Variants in KIAA1328 observed in about 807,000 individuals in gnomAD.
KIAA1328 encodes the protein KIAA1328.
Under a neutral mutation model 68.1 loss-of-function variants are expected in KIAA1328, and 52 were observed. That is an observed-to-expected ratio of 0.76 (90% CI 0.61 to 0.96). The LOEUF is 0.96. Among genes scored for constraint, KIAA1328 ranks in the 40% least tolerant of loss-of-function variants. KIAA1328 has a pLI of 0.00. For missense variants in KIAA1328, 641 were observed against 677.6 expected, an observed-to-expected ratio of 0.95 and a Z score of 0.60; for synonymous variants, 232 against 239.4, an observed-to-expected ratio of 0.97 and a Z score of 0.28.
chr18:36,927,151 G>A (rs2050148793), intron 5 of KIAA1328, among the ~76,000 whole-genome samples: 1 of 152,116 alleles, frequency 6.6e-6, no homozygotes, highest in Non-Finnish European at 1.5e-5. Context: ...ATTTGGAGGG[G>A]ACAAATATCC....
intron 9 of KIAA1328, among the ~76,000 whole-genome samples, chr18:37,173,620 C>A (rs1349510004): frequency 6.6e-6 from 1 of 152,154 alleles, no homozygotes; most frequent in Non-Finnish European, 1.5e-5. Flanking sequence ...AACGTCAGTA[C>A]CAAAAGGGCT....
chr18:37,095,954 G>C lies in KIAA1328; in HGVS notation c.1232+28409G>C, dbSNP rs111621749. ...TGAACCGGGAAGAAATTGAAAGCTC[G>C]AACAGACCAATAATGAGTTACAAGA... On this transcript the variant is annotated intron_variant, in intron 7 of 9. Coordinates refer to ENST00000280020, the MANE Select transcript of KIAA1328 (RefSeq NM_020776.3). Among the ~76,000 whole-genome samples, 1,485 of 152,098 alleles carry C rather than the reference G, an allele frequency of 9.8e-3. 16 individuals carry two copies. The highest frequency in any genetic ancestry group is 0.024 in the Middle Eastern group (7 of 294).
chr18:37,116,057 A>AT lies in KIAA1328; in HGVS notation c.1233-44142dup, dbSNP rs1184083130. 3.3e-5 allele frequency among the ~76,000 whole-genome samples: 5 copies of AT among 152,228 alleles called. No homozygotes were observed. The East Asian group carries it at 9.6e-4, about 29-fold the overall frequency. On this transcript the variant is annotated intron_variant, in intron 7 of 9. Coordinates refer to ENST00000280020, the MANE Select transcript of KIAA1328 (RefSeq NM_020776.3). Reference sequence around the variant, plus strand: ...CATTCCATGCTCATGGGCAGGAAAAATCAATATCATGAAAATGGCCATACT... The same window carrying AT: ...CATTCCATGCTCATGGGCAGGAAAAATTCAATATCATGAAAATGGCCATACT...
intron 6 of KIAA1328, among the ~76,000 whole-genome samples, chr18:37,016,478 T>C (rs2054157103): frequency 6.6e-6 from 1 of 152,064 alleles, no homozygotes; most frequent in Non-Finnish European, 1.5e-5. Context: ...CAGGATGATA[T>C]TGGCTTTGTA....
intron 9 of KIAA1328, among the ~76,000 whole-genome samples, chr18:37,189,582 A>G (rs1213516942): frequency 6.6e-6 from 1 of 152,214 alleles, no homozygotes; most frequent in African/African-American, 2.4e-5. Flanking sequence ...AACTATTTCA[A>G]GTTTACTTTA....
intron 7 of KIAA1328, among the ~76,000 whole-genome samples, chr18:37,150,042 A>G (rs2058993141): frequency 6.6e-6 from 1 of 152,182 alleles, no homozygotes; most frequent in Admixed American, 6.5e-5. Context: ...TCAATAATAT[A>G]CCAAGATTGG....
chr18:37,091,005 C>A (rs1054426164), intron 7 of KIAA1328, among the ~76,000 whole-genome samples: 14 of 152,134 alleles, frequency 9.2e-5, no homozygotes, highest in Admixed American at 2.0e-4. Context: ...CGAAGTAATA[C>A]ATCCAGAATA....
chr18:37,011,653 A>G (rs1395900546), intron 6 of KIAA1328, among the ~76,000 whole-genome samples: 4 of 152,230 alleles, frequency 2.6e-5, no homozygotes, highest in Admixed American at 2.6e-4. Context: ...ATAAAGGGAA[A>G]TAACTTGGCA....
chr18:37,040,154 A>G (rs934007194), intron 6 of KIAA1328, among the ~76,000 whole-genome samples: 2 of 152,194 alleles, frequency 1.3e-5, no homozygotes, highest in African/African-American at 4.8e-5. Context: ...GTGTGATTAG[A>G]CTAGGTCCAT....
chr18:37,058,328 A>T (rs2056004896), intron 6 of KIAA1328, among the ~76,000 whole-genome samples: 1 of 152,240 alleles, frequency 6.6e-6, no homozygotes, highest in African/African-American at 2.4e-5. Context: ...GCTACATGCA[A>T]CATCATGGAT....
At chr18:37,208,652 G>T (rs889197988) in intron 9 of KIAA1328, among the ~76,000 whole-genome samples, 1 of 152,142 alleles carries the variant, frequency 6.6e-6, no homozygotes, top group Non-Finnish European at 1.5e-5. Context: ...CCTACCTCTT[G>T]ACCCTGAAAT....
intron 7 of KIAA1328, among the ~76,000 whole-genome samples, chr18:37,078,428 T>TC (rs2056827791): frequency 6.6e-6 from 1 of 151,916 alleles, no homozygotes; most frequent in Admixed American, 6.6e-5. Context: ...GGCAAGGACT[T>TC]CATGTCGAAA....
chr18:37,026,246 A>G (rs1239042166), intron 6 of KIAA1328, among the ~76,000 whole-genome samples: 1 of 152,204 alleles, frequency 6.6e-6, no homozygotes, highest in East Asian at 1.9e-4. Context: ...TTACCAACAA[A>G]AAAAGTCCAG....
chr18:36,978,080 GC>G (rs1366474470), intron 6 of KIAA1328, among the ~76,000 whole-genome samples: 1 of 152,134 alleles, frequency 6.6e-6, no homozygotes, highest in Non-Finnish European at 1.5e-5. Flanking sequence ...ACCGCGCCTG[GC>G]CAAGATTTAT....
intron 7 of KIAA1328, among the ~76,000 whole-genome samples, chr18:37,100,301 A>G (rs569071490): frequency 2.9e-4 from 44 of 152,330 alleles, no homozygotes; most frequent in African/African-American, 9.6e-4. Flanking sequence ...TGGCACCTGG[A>G]AAATCGGGTC....
In KIAA1328 at chr18:37,161,918, C is replaced by T. The variant is rs980454495; in HGVS notation, c.1414+1537C>T. Among the ~76,000 whole-genome samples the T allele has an allele frequency of 3.3e-5, 5 of 152,312 alleles. No homozygotes were observed. In the South Asian group the frequency reaches 1.0e-3, roughly 32 times the overall value. On this transcript the variant is annotated intron_variant, in intron 8 of 9. Coordinates refer to ENST00000280020, the MANE Select transcript of KIAA1328 (RefSeq NM_020776.3). ...TTGAGAAAGATATCATCAGGCCAGC[C>T]CTTGCTGTGGTGGAGGTTAATCTCT...
At chr18:37,184,206 C>T (rs1330845321) in intron 9 of KIAA1328, among the ~76,000 whole-genome samples, 1 of 152,174 alleles carries the variant, frequency 6.6e-6, no homozygotes, top group Non-Finnish European at 1.5e-5. Flanking sequence ...TGCTTCTGCC[C>T]AGCTTATACA....
At chr18:37,052,119 A>G (rs1257789097) in intron 6 of KIAA1328, among the ~76,000 whole-genome samples, 1 of 152,176 alleles carries the variant, frequency 6.6e-6, no homozygotes, top group Admixed American at 6.5e-5. Flanking sequence ...AGAAAACCAA[A>G]CCCAGCAACA....
rs187431647 is a variant in KIAA1328 at position 37,067,036 on chromosome 18, A to G, written c.723A>G (p.Ala241=). 1.3e-3 allele frequency: 2,074 copies of G among 1,613,960 alleles called. 49 individuals are homozygous for G. The Admixed American group carries it at 0.032, about 25-fold the overall frequency. Residue 241 remains alanine (A), a synonymous_variant, in exon 7 of 10, where the codon GCA becomes GCG. Coordinates refer to ENST00000280020, the MANE Select transcript of KIAA1328 (RefSeq NM_020776.3). ...VQDSASESLI[A]FRNNSLKPVT... is the part of the protein sequence containing the mutation. ...ATTCAGCTTCAGAATCCCTTATAGC[A>G]TTTAGGAATAATTCTTTGAAACCAG... is the stretch of plus-strand genomic sequence containing the variant.
Sources: gnomAD v4.1 joint callset for allele counts (sites outside exome capture counted in the v4.1 genomes callset) on GRCh38, gnomAD v4.1.1 for gene constraint, MANE v1.5 for transcripts, NCBI Gene and HGNC (gene_info 2026-07-23, HGNC 2026-07-21) for gene names.